The following PBRM1 variants were observed in gnomAD, a reference collection of about 807,000 sequenced individuals.
PBRM1 encodes the protein protein polybromo-1.
A neutral mutation model predicts 194.5 loss-of-function variants in PBRM1; 27 were observed. That is an observed-to-expected ratio of 0.14 (90% CI 0.10 to 0.19). PBRM1 has a LOEUF of 0.19. PBRM1 is among the 10% of genes least tolerant of loss of function. PBRM1 has a pLI of 1.00. For synonymous variants in PBRM1, 655 were observed against 693.2 expected, an observed-to-expected ratio of 0.94 and a Z score of 0.87; for missense variants, 1,466 against 2,077.2, an observed-to-expected ratio of 0.71 and a Z score of 5.72.
At chr3:52,641,118 T>TAGTTAAAAACA (rs2096062537) in intron 10 of PBRM1, among the ~76,000 whole-genome samples, 1 of 152,144 alleles carries the variant, frequency 6.6e-6, no homozygotes, top group Non-Finnish European at 1.5e-5. Flanking sequence ...ATAGGAGATT[T>TAGTTAAAAACA]AGTTAAAAAC....
At chr3:52,579,782 C>A (rs2090623378) in intron 20 of PBRM1, among the ~76,000 whole-genome samples, 1 of 152,186 alleles carries the variant, frequency 6.6e-6, no homozygotes, top group South Asian at 2.1e-4. Flanking sequence ...CTCCCTCCTG[C>A]TCTCAATTCC....
chr3:52,617,362 T>C (rs1428915766), exon 14 of PBRM1: 2 of 1,613,858 alleles, frequency 1.2e-6, no homozygotes, highest in East Asian at 2.2e-5. Flanking sequence ...GCGGATGTTA[T>C]GCTCAATTAT....
intron 17 of PBRM1, among the ~76,000 whole-genome samples, chr3:52,602,881 GA>G (rs1345044686): frequency 1.3e-5 from 2 of 152,074 alleles, no homozygotes. Context: ...TTGCCTAAGG[GA>G]AAAAAATCTA....
intron 5 of PBRM1, among the ~76,000 whole-genome samples, chr3:52,653,988 G>A (rs992025922): frequency 6.6e-6 from 1 of 152,210 alleles, no homozygotes; most frequent in Non-Finnish European, 1.5e-5. Flanking sequence ...AATTGAACAT[G>A]TTGAGGAATG....
chr3:52,551,810 T>C (rs2081053165), intron 27 of PBRM1: 2 of 152,190 alleles, frequency 1.3e-5, no homozygotes, highest in Non-Finnish European at 2.9e-5. Flanking sequence ...TTAAAAATCG[T>C]AATATTTTGT....
At chr3:52,625,923 A>G (rs1370210492) in intron 13 of PBRM1, among the ~76,000 whole-genome samples, 2 of 152,132 alleles carry the variant, frequency 1.3e-5, no homozygotes, top group African/African-American at 4.8e-5. Flanking sequence ...CTAGCCACAC[A>G]GGTATGTAAT....
At chr3:52,606,165 A>G (rs1318015722) in intron 16 of PBRM1, among the ~76,000 whole-genome samples, 1 of 151,804 alleles carries the variant, frequency 6.6e-6, no homozygotes, top group African/African-American at 2.4e-5. Context: ...AGCTTGGCTG[A>G]TTTTTTAAAT....
chr3:52,668,090 G>A (rs528349563), intron 3 of PBRM1, among the ~76,000 whole-genome samples: 22 of 152,290 alleles, frequency 1.4e-4, no homozygotes, highest in African/African-American at 5.1e-4. Flanking sequence ...GAGCCCAGGA[G>A]TTCAAGACCA....
At chr3:52,639,724 T>A (rs970518952) in intron 10 of PBRM1, among the ~76,000 whole-genome samples, 2 of 151,694 alleles carry the variant, frequency 1.3e-5, no homozygotes, top group African/African-American at 4.8e-5. Flanking sequence ...AGGGAGACCC[T>A]GCCTTAAAAA....
At chr3:52,619,107 T>C (rs1056634656) in intron 13 of PBRM1, among the ~76,000 whole-genome samples, 3 of 152,340 alleles carry the variant, frequency 2.0e-5, no homozygotes, top group African/African-American at 7.2e-5. Context: ...TTAGCCAGGC[T>C]GGTCTCAAAC....
At chr3:52,619,901 G>A (rs916796757) in intron 13 of PBRM1, among the ~76,000 whole-genome samples, 2 of 152,188 alleles carry the variant, frequency 1.3e-5, no homozygotes, top group African/African-American at 2.4e-5. Context: ...CCTGTTTCCT[G>A]CTAGAGTTGG....
rs1317777051 is a variant in PBRM1 at position 52,676,032 on chromosome 3, G to A, written c.236+2468C>T. Among the ~76,000 whole-genome samples, 4 of 89,256 alleles carry A rather than the reference G, an allele frequency of 4.5e-5. 1 individual carries two copies. In the Admixed American group the frequency reaches 5.3e-4, roughly 12 times the overall value. 58.6% of individuals were successfully genotyped at this position (89,256 alleles called of 152,430 possible). A position where few individuals can be genotyped will look rare whatever the true frequency, so the allele number is the denominator to read the frequency against. On this transcript the variant is annotated intron_variant, in intron 2 of 29. Transcript: ENST00000296302. Reference sequence around the variant, plus strand: ...TGGGAGGCTGAGGCGGGAGAATGGCGTGAACCCGGGAGGCGGAGCTTGCAG... The same window carrying A: ...TGGGAGGCTGAGGCGGGAGAATGGCATGAACCCGGGAGGCGGAGCTTGCAG...
At chr3:52,562,326 CAA>C (rs11295230) in intron 24 of PBRM1, among the ~76,000 whole-genome samples, 10,787 of 122,314 alleles carry the variant, frequency 0.088, 836 homozygotes, top group African/African-American at 0.23. Context: ...GACTCTGTCT[CAA>C]AAAAAAAAAA....
chr3:52,617,886 T>G (rs756233211), intron 13 of PBRM1, among the ~76,000 whole-genome samples: 3 of 152,154 alleles, frequency 2.0e-5, no homozygotes, highest in Admixed American at 1.3e-4. Flanking sequence ...TAAAGATGAG[T>G]ACAGCCAAAG....
At chr3:52,669,739 T>G (rs2096910329) in intron 2 of PBRM1, among the ~76,000 whole-genome samples, 1 of 152,192 alleles carries the variant, frequency 6.6e-6, no homozygotes, top group African/African-American at 2.4e-5. Context: ...AAATAGTACT[T>G]TTTTTCTGAA....
At chr3:52,580,342 A>G (rs1032936131) in intron 20 of PBRM1, among the ~76,000 whole-genome samples, 13 of 152,254 alleles carry the variant, frequency 8.5e-5, no homozygotes, top group South Asian at 6.2e-4. Flanking sequence ...TCTGTGATAT[A>G]AACATGCTTT....
intron 4 of PBRM1, among the ~76,000 whole-genome samples, chr3:52,660,168 G>C (rs1282376085): frequency 6.6e-6 from 1 of 152,188 alleles, no homozygotes; most frequent in Non-Finnish European, 1.5e-5. Flanking sequence ...CATCAATTAT[G>C]CGTTACAGAA....
At chr3:52,550,780 A>C (rs1036898812) in exon 28 of PBRM1, 17 of 1,612,528 alleles carry the variant, frequency 1.1e-5, no homozygotes, top group Non-Finnish European at 1.4e-5. Context: ...CTGGTGCTGG[A>C]GTCCCTACCA....
At chr3:52,556,326 A>ATT (rs60961535) in intron 26 of PBRM1, among the ~76,000 whole-genome samples, 25 of 151,580 alleles carry the variant, frequency 1.6e-4, no homozygotes, top group African/African-American at 6.0e-4. Flanking sequence ...ATGAGTTTTC[A>ATT]TTTTTTTTTA....
Sources: gnomAD v4.1 joint callset for allele counts (sites outside exome capture counted in the v4.1 genomes callset) on GRCh38, gnomAD v4.1.1 for gene constraint, MANE v1.5 for transcripts, NCBI Gene and HGNC (gene_info 2026-07-23, HGNC 2026-07-21) for gene names.